The following EYS variants were observed in gnomAD, a reference collection of about 807,000 sequenced individuals.
EYS encodes the protein EGF-like photoreceptor maintenance factor.
Under a neutral mutation model 282.1 loss-of-function variants are expected in EYS, and 250 were observed. The observed-to-expected ratio is 0.89, with a 90% CI of 0.80 to 0.98. EYS has a LOEUF of 0.98. Ranked by LOEUF, EYS falls within the 50% of genes least tolerant of loss-of-function variation. The pLI is 0.00. For missense variants in EYS, 4,016 were observed against 3,709.0 expected (o/e 1.08, Z -2.15); for synonymous variants, 1,355 against 1,282.9 (o/e 1.06, Z -1.20).
intron 30 of EYS, among the ~76,000 whole-genome samples, chr6:64,257,240 A>G (rs1456689008): frequency 6.6e-6 from 1 of 151,982 alleles, no homozygotes; most frequent in Admixed American, 6.6e-5. Flanking sequence ...AACTTATACA[A>G]TAAAGCTTCG....
At chr6:64,839,703 C>T (rs1025892827) in intron 19 of EYS, among the ~76,000 whole-genome samples, 3 of 151,968 alleles carry the variant, frequency 2.0e-5, no homozygotes, top group African/African-American at 7.2e-5. Context: ...GATCAAGGTG[C>T]TGACAGGTTT....
At chr6:65,144,456 A>G (rs1049203800) in intron 12 of EYS, among the ~76,000 whole-genome samples, 2 of 152,138 alleles carry the variant, frequency 1.3e-5, no homozygotes, top group Middle Eastern at 3.2e-3. Context: ...TTGAATGGAA[A>G]AATTTAAAGA....
chr6:64,768,049 T>G (rs1430591538), intron 22 of EYS, among the ~76,000 whole-genome samples: 2 of 152,112 alleles, frequency 1.3e-5, no homozygotes, highest in Non-Finnish European at 2.9e-5. Flanking sequence ...TATTATTTGA[T>G]GAATAAATTA....
intron 18 of EYS, among the ~76,000 whole-genome samples, chr6:64,889,334 T>A (rs1230585310): frequency 6.6e-6 from 1 of 152,074 alleles, no homozygotes; most frequent in Non-Finnish European, 1.5e-5. Flanking sequence ...GATGAAGATG[T>A]GGGTTTTGCT....
intron 5 of EYS, among the ~76,000 whole-genome samples, chr6:65,422,022 T>C (rs767829512): frequency 6.6e-6 from 1 of 151,918 alleles, no homozygotes; most frequent in Non-Finnish European, 1.5e-5. Flanking sequence ...GAGCACATGG[T>C]GTTAGAAAAA....
rs80317881 is a variant in EYS at position 65,099,675 on chromosome 6, A to G, written c.2024-41948T>C. Among the ~76,000 whole-genome samples, 1,081 of 150,918 alleles carry G rather than the reference A, an allele frequency of 7.2e-3. 15 individuals are homozygous for G. The highest frequency in any genetic ancestry group is 0.025 in the African/African-American group (1,024 of 41,434). ...AAATACTCATATTAAATGTGAGATT[A>G]TAAGTATTTTGAAATATGTTTAAGT... On this transcript the variant is annotated intron_variant, in intron 12 of 42. Transcript: ENST00000503581.
At chr6:65,312,934 G>T (rs1769199318) in intron 11 of EYS, among the ~76,000 whole-genome samples, 1 of 152,062 alleles carries the variant, frequency 6.6e-6, no homozygotes, top group African/African-American at 2.4e-5. Context: ...GATTATCACT[G>T]CGTTGTCACT....
intron 35 of EYS, among the ~76,000 whole-genome samples, chr6:63,874,333 T>C (rs1242505278): frequency 6.6e-6 from 1 of 152,214 alleles, no homozygotes; most frequent in Non-Finnish European, 1.5e-5. Context: ...CTGAGGGCTC[T>C]GTTCTGTTCC....
At chr6:64,722,128 G>A (rs867287085) in intron 22 of EYS, among the ~76,000 whole-genome samples, 1 of 152,062 alleles carries the variant, frequency 6.6e-6, no homozygotes, top group Non-Finnish European at 1.5e-5. Flanking sequence ...GTGATGCAGG[G>A]AAAAAGGATC....
chr6:65,499,167 A>G (rs12525123), intron 2 of EYS, among the ~76,000 whole-genome samples: 18,378 of 152,016 alleles, frequency 0.12, 1,531 homozygotes, highest in African/African-American at 0.22. Context: ...ATAAAGTCCA[A>G]CTTAAATTCA....
At chr6:65,076,313 A>G (rs1774048882) in intron 12 of EYS, among the ~76,000 whole-genome samples, 1 of 152,034 alleles carries the variant, frequency 6.6e-6, no homozygotes, top group South Asian at 2.1e-4. Context: ...TTATCTTTTG[A>G]AATATCAAAT....
chr6:65,363,349 C>T (rs1261663597), intron 8 of EYS, among the ~76,000 whole-genome samples: 1 of 151,838 alleles, frequency 6.6e-6, no homozygotes, highest in African/African-American at 2.4e-5. Context: ...ATAATAGTGG[C>T]ATAATATTAA....
intron 29 of EYS, among the ~76,000 whole-genome samples, chr6:64,387,198 G>C (rs1397450069): frequency 2.0e-5 from 3 of 151,888 alleles, no homozygotes; most frequent in Admixed American, 1.3e-4. Flanking sequence ...TATTGTCTCT[G>C]TCTACAATGA....
chr6:64,693,594 G>GA (rs923836232), intron 22 of EYS, among the ~76,000 whole-genome samples: 9 of 151,894 alleles, frequency 5.9e-5, no homozygotes, highest in Non-Finnish European at 1.2e-4. Context: ...CACTATGGAG[G>GA]AAAAAATGAA....
chr6:63,874,529 GAAGA>G (rs1772910876), intron 35 of EYS, among the ~76,000 whole-genome samples: 1 of 152,124 alleles, frequency 6.6e-6, no homozygotes, highest in African/African-American at 2.4e-5. Context: ...CCAATTCTGT[GAAGA>G]AAGTCATTGG....
At chr6:65,521,943 T>G (rs908653054) in intron 2 of EYS, among the ~76,000 whole-genome samples, 4 of 152,164 alleles carry the variant, frequency 2.6e-5, no homozygotes, top group Non-Finnish European at 4.4e-5. Flanking sequence ...AAATGATAAT[T>G]TAATTCATTT....
chr6:64,918,673 A>AAG lies in EYS; in HGVS notation c.2382-5932_2382-5931dup, dbSNP rs148080910. ...AGAGAAGATTTGGATAATGGTTAGT[A>AAG]AGCAGATGAGGCAGAGTGAGGAGTG... On this transcript the variant is annotated intron_variant, in intron 15 of 42. Transcript: ENST00000503581. Among the ~76,000 whole-genome samples, 468 of 152,206 alleles carry AAG rather than the reference A, an allele frequency of 3.1e-3. 3 individuals carry two copies. Among genetic ancestry groups the AAG allele is most frequent in the African/African-American group, 0.01 (433 of 41,566 alleles).
At chr6:63,760,027 T>C (rs967206520) in intron 41 of EYS, among the ~76,000 whole-genome samples, 9 of 152,034 alleles carry the variant, frequency 5.9e-5, no homozygotes, top group Non-Finnish European at 1.2e-4. Context: ...TGTGTGTGGG[T>C]TTCTTTATCT....
intron 13 of EYS, among the ~76,000 whole-genome samples, chr6:65,053,456 GT>G (rs139491755): frequency 0.31 from 47,079 of 151,416 alleles, 9,147 homozygotes; most frequent in Non-Finnish European, 0.44. Context: ...GTACAATGGG[GT>G]AAGAGTCATC....
Sources: gnomAD v4.1 joint callset for allele counts (sites outside exome capture counted in the v4.1 genomes callset) on GRCh38, gnomAD v4.1.1 for gene constraint, MANE v1.5 for transcripts, NCBI Gene and HGNC (gene_info 2026-07-23, HGNC 2026-07-21) for gene names.